The following EBF2 variants were observed in gnomAD, a reference collection of about 807,000 sequenced individuals.
The protein encoded by EBF2 is EBF transcription factor 2, also known as transcription factor COE2.
In EBF2, 21 loss-of-function variants were observed where a neutral mutation model predicts 72.8. The observed-to-expected ratio is 0.29, with a 90% CI of 0.20 to 0.42. EBF2 has a LOEUF of 0.42. Ranked by LOEUF, EBF2 falls within the 10% of genes least tolerant of loss-of-function variation. The pLI, the probability that EBF2 is intolerant of heterozygous loss-of-function variation, is 1.00. For synonymous variants in EBF2, 299 were observed against 274.2 expected (o/e 1.09, Z -0.89); for missense variants, 637 against 731.2 (o/e 0.87, Z 1.49).
intron 6 of EBF2, among the ~76,000 whole-genome samples, chr8:25,933,105 C>T (rs1416169318): frequency 6.6e-6 from 1 of 152,128 alleles, no homozygotes; most frequent in African/African-American, 2.4e-5. Context: ...CAACAGGTCT[C>T]GTAGGCATGC....
intron 6 of EBF2, among the ~76,000 whole-genome samples, chr8:25,959,647 G>T (rs901619947): frequency 6.6e-6 from 1 of 152,194 alleles, no homozygotes; most frequent in Non-Finnish European, 1.5e-5. Context: ...TAGCTCAGCA[G>T]CCAGCTGTGT....
At chr8:26,004,673 CAAAAAAAAAAAAAA>C (rs56848916) in intron 6 of EBF2, among the ~76,000 whole-genome samples, 6 of 45,458 alleles carry the variant, frequency 1.3e-4, no homozygotes, top group African/African-American at 2.0e-4. Context: ...AGACTGTCTC[CAAAAAAAAAAAAAA>C]AAAAAAAAAA....
At chr8:25,920,844 A>G (rs1002432158) in intron 6 of EBF2, among the ~76,000 whole-genome samples, 1 of 150,376 alleles carries the variant, frequency 6.6e-6, no homozygotes, top group Non-Finnish European at 1.5e-5. Flanking sequence ...TTTCTCACCT[A>G]TCTTTGCTCT....
chr8:26,034,626 C>T (rs11135910), intron 5 of EBF2, among the ~76,000 whole-genome samples: 20,387 of 152,238 alleles, frequency 0.13, 1,492 homozygotes, highest in Non-Finnish European at 0.16. Context: ...AGCCCATCTG[C>T]TGCCTATCAG....
intron 13 of EBF2, among the ~76,000 whole-genome samples, chr8:25,859,224 A>G (rs1276337536): frequency 6.6e-6 from 1 of 152,240 alleles, no homozygotes; most frequent in Non-Finnish European, 1.5e-5. Flanking sequence ...ATTCATATAC[A>G]GAAGGCCTAG....
intron 6 of EBF2, among the ~76,000 whole-genome samples, chr8:26,003,933 A>G (rs1027200854): frequency 6.6e-6 from 1 of 152,158 alleles, no homozygotes; most frequent in African/African-American, 2.4e-5. Context: ...CTGGGGGACC[A>G]GGGGTAGTTT....
At chr8:25,846,588 A>T (rs1801840916) in intron 15 of EBF2, among the ~76,000 whole-genome samples, 1 of 152,198 alleles carries the variant, frequency 6.6e-6, no homozygotes, top group African/African-American at 2.4e-5. Flanking sequence ...CAGGAAGCTG[A>T]GGTAAGAGAA....
chr8:26,037,372 TA>T (rs2117262379), intron 5 of EBF2, among the ~76,000 whole-genome samples: 1 of 152,340 alleles, frequency 6.6e-6, no homozygotes, highest in South Asian at 2.1e-4. Context: ...AAATAGTTTT[TA>T]AAATTCAACC....
intron 6 of EBF2, among the ~76,000 whole-genome samples, chr8:25,980,004 A>G (rs1430231516): frequency 6.6e-6 from 1 of 152,176 alleles, no homozygotes; most frequent in Non-Finnish European, 1.5e-5. Context: ...GGAAAAAAAA[A>G]GCTTCATTCT....
chr8:26,009,297 T>C (rs1219930260), intron 6 of EBF2, among the ~76,000 whole-genome samples: 1 of 152,192 alleles, frequency 6.6e-6, no homozygotes, highest in African/African-American at 2.4e-5. Flanking sequence ...TAAAGCCAAG[T>C]ATAAACGTAT....
chr8:25,915,131 T>A (rs1192261280), intron 6 of EBF2, among the ~76,000 whole-genome samples: 1 of 152,074 alleles, frequency 6.6e-6, no homozygotes, highest in Non-Finnish European at 1.5e-5. Flanking sequence ...AAAATTAACA[T>A]CTCCACCTTA....
chr8:25,850,011 G>A (rs907533436), intron 15 of EBF2, among the ~76,000 whole-genome samples: 7 of 152,116 alleles, frequency 4.6e-5, no homozygotes, highest in Non-Finnish European at 8.8e-5. Context: ...GGACAGCATA[G>A]GGCTGGGAAG....
intron 14 of EBF2, among the ~76,000 whole-genome samples, chr8:25,852,268 C>A (rs1275747578): frequency 6.6e-6 from 1 of 152,086 alleles, no homozygotes; most frequent in Non-Finnish European, 1.5e-5. Flanking sequence ...TGGTTCTGAG[C>A]AAAATCTCTT....
intron 6 of EBF2, among the ~76,000 whole-genome samples, chr8:25,986,902 G>C (rs1020744001): frequency 3.9e-5 from 6 of 152,156 alleles, no homozygotes; most frequent in Non-Finnish European, 5.9e-5. Context: ...GTGGACAAAG[G>C]CTCTGCCAAA....
chr8:25,904,601 CTCTAAATGATTGTCTTTGT>C (rs747828231), intron 7 of EBF2, among the ~76,000 whole-genome samples: 13 of 152,154 alleles, frequency 8.5e-5, no homozygotes, highest in Non-Finnish European at 1.5e-4. Flanking sequence ...GTGTATATGG[CTCTAAATGATTGTCTTTGT>C]CCTTCTGAGT....
intron 6 of EBF2, among the ~76,000 whole-genome samples, chr8:25,938,912 C>T (rs1803624323): frequency 6.6e-6 from 1 of 152,132 alleles, no homozygotes; most frequent in Non-Finnish European, 1.5e-5. Flanking sequence ...ACAAAGCTCA[C>T]CATTCACGTC....
chr8:25,854,238 CAAA>C (rs372818134), intron 14 of EBF2, among the ~76,000 whole-genome samples: 6 of 137,430 alleles, frequency 4.4e-5, no homozygotes, highest in Non-Finnish European at 6.3e-5. Flanking sequence ...CCCCCACCTC[CAAA>C]AAAAAAAAAA....
chr8:25,989,269 G>A (rs1235149861), intron 6 of EBF2, among the ~76,000 whole-genome samples: 1 of 152,144 alleles, frequency 6.6e-6, no homozygotes, highest in East Asian at 1.9e-4. Context: ...TTCTCTGCTG[G>A]GTGTTGACAG....
At chr8:25,912,466 G>GCA (rs141335310) in intron 6 of EBF2, among the ~76,000 whole-genome samples, 3,847 of 136,902 alleles carry the variant, frequency 0.028, 78 homozygotes, top group East Asian at 0.068. Flanking sequence ...TCTAAAAATG[G>GCA]CACACACACA....
Sources: gnomAD v4.1 joint callset for allele counts (sites outside exome capture counted in the v4.1 genomes callset) on GRCh38, gnomAD v4.1.1 for gene constraint, MANE v1.5 for transcripts, NCBI Gene and HGNC (gene_info 2026-07-23, HGNC 2026-07-21) for gene names.